Variants in USP32 observed in about 807,000 individuals in gnomAD.
USP32 encodes the protein ubiquitin carboxyl-terminal hydrolase 32.
USP32 carries 59 observed loss-of-function variants against 204.8 expected under a neutral mutation model. The observed-to-expected ratio is 0.29, with a 90% CI of 0.23 to 0.36. The LOEUF (loss-of-function observed/expected upper bound fraction) is 0.36. Ranked by LOEUF, USP32 falls within the 10% of genes least tolerant of loss-of-function variation. The pLI is 1.00. For synonymous variants in USP32, 517 were observed against 678.4 expected, an observed-to-expected ratio of 0.76 and a Z score of 3.70; for missense variants, 1,160 against 1,946.4, an observed-to-expected ratio of 0.60 and a Z score of 7.60.
chr17:60,249,838 A>C (rs954992942), intron 11 of USP32: 2 of 661,092 alleles, frequency 3.0e-6, no homozygotes, highest in Non-Finnish European at 5.4e-6. Context: ...CGGCCATTCC[A>C]GAAATCACGA....
chr17:60,223,377 G>C (rs1320043660), intron 14 of USP32, 34 bp downstream of exon 14: 1 of 1,565,922 alleles, frequency 6.4e-7, no homozygotes, highest in Non-Finnish European at 8.7e-7. Flanking sequence ...GCTTGCAAGA[G>C]AATAATTTTA....
At chr17:60,282,845 G>C (rs923413057) in intron 5 of USP32, among the ~76,000 whole-genome samples, 3 of 152,156 alleles carry the variant, frequency 2.0e-5, no homozygotes, top group African/African-American at 7.2e-5. Context: ...CACTTTAAGA[G>C]GCTGAAAAAT....
At position 60,214,625 on chromosome 17, in the gene USP32, T is replaced by A. The variant is rs1248243947; in HGVS notation, c.2017A>T (p.Ser673Cys). ...EEDMRLWLYNSENYLTLLDDE... is the reference protein window; with the variant it reads ...EEDMRLWLYNCENYLTLLDDE... ...GACTCTGAGATGCCTCTTACCTCAC[T>A]GTTGTATAGCCACAGGCGCATATCT... The change falls in exon 17 of 34, where the codon AGT (serine) becomes TGT (cysteine). Residue 673 changes from serine to cysteine, a missense_variant. Transcript: ENST00000300896. 6.2e-7 allele frequency: 1 copy of A among 1,613,012 alleles called. No individual in the cohort carries two copies. Among genetic ancestry groups the A allele is most frequent in the East Asian group, 2.2e-5 (1 of 44,864 alleles).
intron 30 of USP32, among the ~76,000 whole-genome samples, chr17:60,185,209 T>C (rs527440288): frequency 2.4e-4 from 36 of 152,362 alleles, no homozygotes; most frequent in African/African-American, 8.7e-4. Flanking sequence ...AGTTCTCACA[T>C]TGCACTGAAT....
intron 2 of USP32, among the ~76,000 whole-genome samples, chr17:60,307,982 C>T (rs999444205): frequency 1.3e-5 from 2 of 152,170 alleles, no homozygotes; most frequent in Admixed American, 6.5e-5. Flanking sequence ...ACCAGCAGAA[C>T]GATGCGGAGT....
At chr17:60,289,781 A>C (rs1162372300) in intron 4 of USP32, among the ~76,000 whole-genome samples, 2 of 152,200 alleles carry the variant, frequency 1.3e-5, no homozygotes, top group Non-Finnish European at 2.9e-5. Flanking sequence ...ATCAGGAAAA[A>C]AAAGAAAGAA....
chr17:60,321,412 G>A (rs1336124198), intron 2 of USP32, among the ~76,000 whole-genome samples: 2 of 152,026 alleles, frequency 1.3e-5, no homozygotes, highest in Admixed American at 6.6e-5. Context: ...CAAATATACC[G>A]ACATCTCCAA....
intron 2 of USP32, among the ~76,000 whole-genome samples, chr17:60,306,510 C>T (rs1364307433): frequency 2.0e-5 from 3 of 151,860 alleles, no homozygotes; most frequent in African/African-American, 4.8e-5. Flanking sequence ...TTGTGGTGGG[C>T]GCCTATAATC....
Position 60,344,681 on chromosome 17 carries a change from C to T in USP32, c.186+800G>A, listed in dbSNP as rs570491293. 1.1e-4 allele frequency among the ~76,000 whole-genome samples: 16 copies of T among 152,246 alleles called. No homozygotes were observed. In the South Asian group the frequency reaches 3.1e-3, roughly 30 times the overall value. On this transcript the variant is annotated intron_variant, in intron 2 of 33. Coordinates refer to ENST00000300896, the MANE Select transcript of USP32 (RefSeq NM_032582.4). ...CTATGCCCAGGCTGGCCTGGAACTC[C>T]TGAGCTCAAGTGATCCTCCTGCCTC...
chr17:60,347,461 C>A (rs1426177615), intron 1 of USP32, among the ~76,000 whole-genome samples: 5 of 151,614 alleles, frequency 3.3e-5, no homozygotes, highest in Non-Finnish European at 7.4e-5. Context: ...TCATGCCATT[C>A]TCCCGCCTCA....
At chr17:60,402,548 C>T (rs963941711) in intron 1 of USP32, among the ~76,000 whole-genome samples, 2 of 152,044 alleles carry the variant, frequency 1.3e-5, no homozygotes, top group African/African-American at 4.8e-5. Context: ...GTGCCTGGTC[C>T]TTATTGATCA....
intron 12 of USP32, among the ~76,000 whole-genome samples, chr17:60,229,205 A>C (rs1221828390): frequency 6.6e-6 from 1 of 151,650 alleles, no homozygotes; most frequent in Non-Finnish European, 1.5e-5. Context: ...ATGCCCAACT[A>C]ATTTTTAAAG....
upstream of USP32, among the ~76,000 whole-genome samples, chr17:60,393,963 C>T (rs770539190): frequency 1.4e-4 from 22 of 152,204 alleles, no homozygotes; most frequent in Non-Finnish European, 3.1e-4. Flanking sequence ...GGATTACAGG[C>T]GTGAGCCACC....
In USP32 at chr17:60,295,754, TTAC is replaced by T. The variant is rs372315529; in HGVS notation, c.293-956_293-954del. Among the ~76,000 whole-genome samples the T allele has an allele frequency of 8.4e-4, 127 of 151,828 alleles. 1 individual carries two copies. In the East Asian group the frequency reaches 0.016, roughly 20 times the overall value. On this transcript the variant is annotated intron_variant, in intron 3 of 33. Transcript: ENST00000300896. ...TTTATTATAGTATATTGTTATAATA[TTAC>T]TATTTTATTATTGTTAATATCTTAC...
At chr17:60,364,077 C>G (rs938286498) in intron 1 of USP32, among the ~76,000 whole-genome samples, 2 of 152,118 alleles carry the variant, frequency 1.3e-5, no homozygotes, top group African/African-American at 4.8e-5. Flanking sequence ...AGCTCTGGAA[C>G]CTGAGAAGTC....
At chr17:60,283,839 C>T (rs1009298288) in intron 5 of USP32, among the ~76,000 whole-genome samples, 1 of 151,608 alleles carries the variant, frequency 6.6e-6, no homozygotes, top group African/African-American at 2.4e-5. Flanking sequence ...GTATCACCTA[C>T]AAAGATAGGA....
chr17:60,295,258 A>ATT (rs758783136), intron 3 of USP32, among the ~76,000 whole-genome samples: 24 of 152,190 alleles, frequency 1.6e-4, no homozygotes, highest in Non-Finnish European at 2.6e-4. Flanking sequence ...AAAAAGATAA[A>ATT]TGTCTGTCAA....
At chr17:60,360,469 G>A (rs1204050720) in intron 1 of USP32, among the ~76,000 whole-genome samples, 1 of 151,996 alleles carries the variant, frequency 6.6e-6, no homozygotes, top group Non-Finnish European at 1.5e-5. Flanking sequence ...GACCAGCCTG[G>A]CAAACATGGA....
intron 1 of USP32, among the ~76,000 whole-genome samples, chr17:60,346,492 T>C (rs1227751592): frequency 6.6e-6 from 1 of 152,218 alleles, no homozygotes; most frequent in Non-Finnish European, 1.5e-5. Context: ...GATTTTGTCA[T>C]TATTTAAAAA....
Sources: gnomAD v4.1 joint callset for allele counts (sites outside exome capture counted in the v4.1 genomes callset) on GRCh38, gnomAD v4.1.1 for gene constraint, MANE v1.5 for transcripts, NCBI Gene and HGNC (gene_info 2026-07-23, HGNC 2026-07-21) for gene names.